ATRN: variants seen among roughly 807,000 people sequenced by gnomAD.
ATRN encodes the protein attractin-2.
Under a neutral mutation model 178.7 loss-of-function variants are expected in ATRN, and 54 were observed. That is an observed-to-expected ratio of 0.30 (90% CI 0.24 to 0.38). The LOEUF (loss-of-function observed/expected upper bound fraction) is 0.38. ATRN is among the 10% of genes least tolerant of loss of function. The pLI, the probability that ATRN is intolerant of heterozygous loss-of-function variation, is 1.00. For synonymous variants in ATRN, 636 were observed against 663.0 expected, an observed-to-expected ratio of 0.96 and a Z score of 0.63; for missense variants, 1,443 against 1,815.1, an observed-to-expected ratio of 0.79 and a Z score of 3.73.
intron 1 of ATRN, among the ~76,000 whole-genome samples, chr20:3,504,605 A>G (rs985206181): frequency 2.0e-5 from 3 of 150,496 alleles, no homozygotes; most frequent in Non-Finnish European, 3.0e-5. Context: ...GAATCGCTTG[A>G]AGCTGGGAGG....
At chr20:3,597,834 C>G in intron 21 of ATRN, 72 bp from the exon 22 acceptor site, 1 of 904,872 alleles carries the variant, frequency 1.1e-6, no homozygotes, top group South Asian at 1.6e-5. Flanking sequence ...AGAAAAGCAG[C>G]CTGTATCTCT....
chr20:3,543,821 C>T (rs1264268376), intron 3 of ATRN, among the ~76,000 whole-genome samples: 1 of 151,918 alleles, frequency 6.6e-6, no homozygotes, highest in Admixed American at 6.6e-5. Flanking sequence ...TTACTTGATC[C>T]CAGGAGTTCA....
In ATRN at chr20:3,589,250, G is replaced by T. The variant is rs563715093; in HGVS notation, c.3185-1919G>T. ...CCTGACCTCGTGATCTGCCTGCCTT[G>T]GCCTCCCAAAGTGCTGGGATTACAG... On this transcript the variant is annotated intron_variant, in intron 18 of 28. Coordinates refer to ENST00000262919, the MANE Select transcript of ATRN (RefSeq NM_139321.3). Among the ~76,000 whole-genome samples the T allele has an allele frequency of 2.6e-5, 4 of 152,022 alleles. No individual in the cohort carries two copies. In the South Asian group the frequency reaches 8.3e-4, roughly 32 times the overall value.
Position 3,502,855 on chromosome 20 carries a change from A to G in ATRN, c.410+31338A>G, listed in dbSNP as rs1261104265. ...CACAGCAAATGGCCTGGTCTGAGAG[A>G]TCTTTGGCCATGTGGGCCTGAGCCT... On this transcript the variant is annotated intron_variant, in intron 1 of 28. Transcript: ENST00000262919. Among the ~76,000 whole-genome samples the G allele has an allele frequency of 2.6e-5, 4 of 152,258 alleles. No individual in the cohort carries two copies. The South Asian group carries it at 6.2e-4, about 24-fold the overall frequency.
At chr20:3,523,658 A>G (rs993232353) in intron 1 of ATRN, among the ~76,000 whole-genome samples, 1 of 152,224 alleles carries the variant, frequency 6.6e-6, no homozygotes, top group Non-Finnish European at 1.5e-5. Context: ...TGTTAAGGGC[A>G]GCCAGAGAGA....
rs564471482 is a variant in ATRN, at chr20:3,641,138, G to T, written c.4050+2203G>T. On this transcript the variant is annotated intron_variant, in intron 27 of 28. Coordinates refer to ENST00000262919, the MANE Select transcript of ATRN (RefSeq NM_139321.3). ...GAAAATGGGGAGTTAGTGTTTAATGGGTACGAAGTTTGAGTTTTACAAGAT... is the reference window on the plus strand; with the variant it reads ...GAAAATGGGGAGTTAGTGTTTAATGTGTACGAAGTTTGAGTTTTACAAGAT... Among the ~76,000 whole-genome samples, 6 of 152,246 alleles carry T rather than the reference G, an allele frequency of 3.9e-5. No individual in the cohort carries two copies. The East Asian group carries it at 1.2e-3, about 29-fold the overall frequency.
At chr20:3,584,133 C>T (rs758226243) in intron 17 of ATRN, 50 bp downstream of exon 17, 2 of 1,556,472 alleles carry the variant, frequency 1.3e-6, no homozygotes, top group Non-Finnish European at 1.8e-6. Flanking sequence ...TCTGTATAGG[C>T]AACAACTCAG....
At chr20:3,591,733 T>C (rs1299418661) in intron 19 of ATRN, among the ~76,000 whole-genome samples, 1 of 151,974 alleles carries the variant, frequency 6.6e-6, no homozygotes, top group African/African-American at 2.4e-5. Context: ...GGGCAAGGTG[T>C]AAGGGCTAGG....
Position 3,638,818 on chromosome 20 carries a change from T to A in ATRN, c.3943-10T>A. The stretch of plus-strand genomic sequence containing the variant: ...CATTCCATTAATGGCTTTGCCATAT[T>A]ATTTATCAGCAACTTCTTCGAGAGA... On this transcript the variant is annotated splice_polypyrimidine_tract_variant and intron_variant, in intron 26 of 28. Transcript: ENST00000262919. The surrounding 1 kb of genome is among the most constrained non-coding windows in gnomAD (Gnocchi z 4.5). 4 of 1,613,574 alleles carry A rather than the reference T, an allele frequency of 2.5e-6. No individual in the cohort carries two copies. The highest frequency in any genetic ancestry group is 3.4e-6 in the Non-Finnish European group (4 of 1,179,530).
At chr20:3,490,578 G>T in intron 1 of ATRN, 1 of 1,063,930 alleles carries the variant, frequency 9.4e-7, no homozygotes, top group Non-Finnish European at 1.5e-6. Flanking sequence ...TAATGTACTT[G>T]AGGTAACAGT....
intron 1 of ATRN, among the ~76,000 whole-genome samples, chr20:3,478,300 C>T (rs2084558587): frequency 6.6e-6 from 1 of 152,146 alleles, no homozygotes; most frequent in Admixed American, 6.5e-5. Flanking sequence ...GAACCAACCA[C>T]TGATGGGCTA....
At chr20:3,510,005 C>A (rs2085103049) in intron 1 of ATRN, among the ~76,000 whole-genome samples, 1 of 152,152 alleles carries the variant, frequency 6.6e-6, no homozygotes, top group African/African-American at 2.4e-5. Context: ...CTGAACCTTT[C>A]AAGGGTAAAC....
Position 3,471,132 on chromosome 20 carries a change from G to A in ATRN, c.25G>A (p.Glu9Lys), listed in dbSNP as rs745496945. 1.1e-5 allele frequency: 16 copies of A among 1,510,720 alleles called. No individual in the cohort carries two copies. The highest frequency in any genetic ancestry group is 1.4e-5 in the Non-Finnish European group (16 of 1,136,320). 93.6% of individuals were successfully genotyped at this position (1,510,720 alleles called of 1,614,324 possible). A position where few individuals can be genotyped will look rare whatever the true frequency, so the allele number is the denominator to read the frequency against. Residue 9 changes from glutamate (E) to lysine (K), a missense_variant, in exon 1 of 29, where the codon GAG becomes AAG. By Grantham distance (56) the Glu-to-Lys change is moderately conservative (BLOSUM62 1). This residue lies in a region of ATRN where 862 missense variants were observed against 972.1 expected (regional missense o/e 0.89). Coordinates refer to ENST00000262919, the MANE Select transcript of ATRN (RefSeq NM_139321.3). The stretch of plus-strand genomic sequence containing the variant: ...GATGGTGGCTGCAGCGGCGGCAACT[G>A]AGGCAAGGCTGAGGAGGAGGACGGC... The part of the protein sequence containing the change: MVAAAAAT[E>K]ARLRRRTAAT...
intron 10 of ATRN, among the ~76,000 whole-genome samples, chr20:3,564,954 A>G (rs2086010986): frequency 1.3e-5 from 2 of 152,162 alleles, no homozygotes; most frequent in African/African-American, 4.8e-5. Context: ...AGGCCCAGCT[A>G]CTTGGGAGGA....
At chr20:3,601,063 G>A in intron 23 of ATRN, 39 bp downstream of exon 23, 2 of 1,537,246 alleles carry the variant, frequency 1.3e-6, no homozygotes, top group Non-Finnish European at 1.8e-6. Flanking sequence ...AAATGAAGGT[G>A]TGGTAGATTA....
intron 27 of ATRN, among the ~76,000 whole-genome samples, chr20:3,643,283 C>G (rs2087082860): frequency 6.6e-6 from 1 of 152,118 alleles, no homozygotes; most frequent in Non-Finnish European, 1.5e-5. Context: ...GGCAGAGAAC[C>G]CTACAGAGCT....
intron 14 of ATRN, 74 bp from the exon 15 acceptor site, chr20:3,578,508 A>G (rs2086241421): frequency 7.5e-7 from 1 of 1,329,284 alleles, no homozygotes; most frequent in South Asian, 1.5e-5. Context: ...GGTATTCAGT[A>G]ATTTGAACTC....
chr20:3,489,934 CACTCTT>C lies in ATRN; in HGVS notation c.410+18421_410+18426del, dbSNP rs990580807. On this transcript the variant is annotated intron_variant, in intron 1 of 28. Coordinates refer to ENST00000262919, the MANE Select transcript of ATRN (RefSeq NM_139321.3). ...ATCTCGTTCTTTTCATCTTCACTCT[CACTCTT>C]ACTGATCTGCTCTTCTTGCTCTTCT... The C allele has an allele frequency of 3.3e-5, 38 of 1,161,994 alleles. No individual in the cohort carries two copies. The Middle Eastern group carries it at 1.1e-3, about 34-fold the overall frequency. 72.0% of individuals were successfully genotyped at this position (1,161,994 alleles called of 1,614,324 possible).
At chr20:3,600,044 G>C (rs2086587762) in intron 22 of ATRN, among the ~76,000 whole-genome samples, 1 of 152,162 alleles carries the variant, frequency 6.6e-6, no homozygotes, top group Non-Finnish European at 1.5e-5. Flanking sequence ...TTTCAGTACA[G>C]TCGGATGCAT....
Sources: gnomAD v4.1 joint callset for allele counts (sites outside exome capture counted in the v4.1 genomes callset) on GRCh38, gnomAD v4.1.1 for gene constraint, gnomAD v4.1.1 regional missense constraint, Gnocchi (gnomAD v3.1) non-coding constraint, MANE v1.5 for transcripts, NCBI Gene and HGNC (gene_info 2026-07-23, HGNC 2026-07-21) for gene names.